The following TTLL12 variants were observed in gnomAD, a reference collection of about 807,000 sequenced individuals.
The protein encoded by TTLL12 is tubulin tyrosine ligase like 12, also known as tubulin--tyrosine ligase-like protein 12.
A neutral mutation model predicts 79.6 loss-of-function variants in TTLL12; 77 were observed. The observed-to-expected ratio is 0.97, with a 90% confidence interval of 0.81 to 1.17. The LOEUF is 1.17. Among genes scored for constraint, TTLL12 ranks in the 50% most tolerant of loss-of-function variants. TTLL12 has a pLI of 0.00. For missense variants in TTLL12, 969 were observed against 895.9 expected, an observed-to-expected ratio of 1.08 and a Z score of -1.04; for synonymous variants, 437 against 376.1, an observed-to-expected ratio of 1.16 and a Z score of -1.87.
At chr22:43,168,237 A>C (rs989943094) in intron 13 of TTLL12, 78 bp from the exon 14 acceptor site, 1 of 1,556,362 alleles carries the variant, frequency 6.4e-7, no homozygotes, top group African/African-American at 1.4e-5. Flanking sequence ...GGGATCCAGC[A>C]AAGGCTGGGA....
chr22:43,173,604 T>C, intron 9 of TTLL12, 111 bp downstream of exon 9: 1 of 1,029,224 alleles, frequency 9.7e-7, no homozygotes, highest in South Asian at 1.6e-5. Flanking sequence ...TAAGCCACCC[T>C]GCCCAGCCTG....
At chr22:43,175,186 C>G (rs1266978393) in intron 6 of TTLL12, 1 of 152,366 alleles carries the variant, frequency 6.6e-6, no homozygotes, top group East Asian at 1.9e-4. Context: ...CAGGTTTGGG[C>G]AGCCAAGGGG....
At chr22:43,176,712 A>G (rs1334387117) in intron 5 of TTLL12, among the ~76,000 whole-genome samples, 1 of 121,684 alleles carries the variant, frequency 8.2e-6, no homozygotes, top group Admixed American at 1.0e-4. Flanking sequence ...CCTGGGAGAG[A>G]GTGTGAGACT....
chr22:43,171,525 G>A (rs1156782904), intron 11 of TTLL12: 5 of 295,924 alleles, frequency 1.7e-5, no homozygotes, highest in African/African-American at 4.3e-5. Context: ...AGTAAGCCCC[G>A]GCTGGGAACA....
rs575442037 is a variant in TTLL12 at position 43,180,686 on chromosome 22, G to A, written c.546+56C>T. On this transcript the variant is annotated intron_variant, in intron 3 of 13. Coordinates refer to ENST00000216129, the MANE Select transcript of TTLL12 (RefSeq NM_015140.4). The stretch of plus-strand genomic sequence containing the variant: ...ACCCGGCCTGATGGCACAGGGCAGC[G>A]GAGGTCTGTGCCCATGCCTGTCCTC... 1.2e-3 allele frequency: 1,947 copies of A among 1,581,048 alleles called. 25 individuals are homozygous for A. In the Middle Eastern group the frequency reaches 0.046, roughly 38 times the overall value.
Position 43,174,233 on chromosome 22 carries a change from C to T in TTLL12, c.1205G>A (p.Ser402Asn). ...CCACCTTTCCCGCTGCTGGAAGTAG[C>T]TGACAAACTGGGGCAGCTCAGTGCG... ...NLRTELPQFV[S>N]YFQQRERWGE... The change falls in exon 8 of 14, where the codon AGC (serine) becomes AAC (asparagine). Residue 402 changes from serine (S) to asparagine (N), a missense_variant. Ser to Asn is a conservative substitution (Grantham distance 46). Coordinates refer to ENST00000216129, the MANE Select transcript of TTLL12 (RefSeq NM_015140.4). 1 of 1,605,730 alleles carries T rather than the reference C, an allele frequency of 6.2e-7. No individual in the cohort carries two copies.
rs1159136281 is a variant in TTLL12, at chr22:43,171,884, C to T, written c.1510G>A (p.Asp504Asn). Reference sequence around the variant, plus strand: ...AAGTGCTTCTCGTAGTCATCCAGGTCGTTGAGTGCAAAGGCCCTGGAAGAC... The same window carrying T: ...AAGTGCTTCTCGTAGTCATCCAGGTTGTTGAGTGCAAAGGCCCTGGAAGAC... ...RFSNRAFALN[D>N]LDDYEKHFTV... Residue 504 changes from aspartate to asparagine, a missense_variant, in exon 11 of 14, where the codon GAC becomes AAC. By Grantham distance (23) the Asp-to-Asn change is conservative. Transcript: ENST00000216129. 5.0e-6 allele frequency: 8 copies of T among 1,614,018 alleles called. No homozygotes were observed. The highest frequency in any genetic ancestry group is 5.1e-6 in the Non-Finnish European group (6 of 1,180,016).
At chr22:43,174,690 A>C in intron 6 of TTLL12, 75 bp from the exon 7 acceptor site, 46 of 1,063,866 alleles carry the variant, frequency 4.3e-5, no homozygotes, top group Non-Finnish European at 5.5e-5. Flanking sequence ...GCCCTGGCTC[A>C]GGGACTCCCT....
chr22:43,182,292 G>A (rs1449869661), intron 2 of TTLL12, among the ~76,000 whole-genome samples: 1 of 152,242 alleles, frequency 6.6e-6, no homozygotes, highest in African/African-American at 2.4e-5. Context: ...GGGGGTGCTG[G>A]GCTGTCCGTA....
chr22:43,182,988 G>A lies in TTLL12; in HGVS notation c.339C>T (p.His113=). The A allele has an allele frequency of 6.2e-7, 1 of 1,613,412 alleles. No individual in the cohort carries two copies. The highest frequency in any genetic ancestry group is 8.5e-7 in the Non-Finnish European group (1 of 1,179,604). ...TCTGGCCAGGCTCCTACCTGTTGGGGTGGGCTGCCTGGAGCCCGCTCTCCC... is the reference window on the plus strand; with the variant it reads ...TCTGGCCAGGCTCCTACCTGTTGGGATGGGCTGCCTGGAGCCCGCTCTCCC... ...VTRESGLQAA[H]PNSIFLIDHA... is the part of the protein sequence containing the mutation. The change falls in exon 2 of 14, where the codon CAC becomes CAT. Residue 113 remains histidine, a synonymous_variant. Coordinates refer to ENST00000216129, the MANE Select transcript of TTLL12 (RefSeq NM_015140.4).
At chr22:43,175,062 C>T (rs779031392) in intron 6 of TTLL12, among the ~76,000 whole-genome samples, 13 of 152,200 alleles carry the variant, frequency 8.5e-5, no homozygotes, top group South Asian at 2.1e-4. Context: ...ACAAGACTCA[C>T]GTCTCAGCAA....
intron 6 of TTLL12, chr22:43,175,712 A>C (rs758710769): frequency 6.6e-6 from 1 of 151,954 alleles, no homozygotes; most frequent in Admixed American, 6.5e-5. Context: ...TCTGTAGCCC[A>C]GGCTGGAGTG....
chr22:43,182,693 G>A (rs1245224555), intron 2 of TTLL12, among the ~76,000 whole-genome samples: 1 of 152,152 alleles, frequency 6.6e-6, no homozygotes, highest in Admixed American at 6.5e-5. Flanking sequence ...GGGTGACCTC[G>A]AGCAAAACTG....
intron 1 of TTLL12, among the ~76,000 whole-genome samples, chr22:43,183,796 A>T (rs1569487803): frequency 1.3e-5 from 2 of 152,254 alleles, no homozygotes; most frequent in African/African-American, 4.8e-5. Flanking sequence ...TCCCTGGCAC[A>T]GCCACACTCA....
rs1043217918 is a variant in TTLL12 at position 43,180,679 on chromosome 22, G to C, written c.546+63C>G. 10 of 1,568,176 alleles carry C rather than the reference G, an allele frequency of 6.4e-6. No homozygotes were observed. The African/African-American group carries it at 1.2e-4, about 19-fold the overall frequency. ...GCCCCTCACCCGGCCTGATGGCACA[G>C]GGCAGCGGAGGTCTGTGCCCATGCC... On this transcript the variant is annotated intron_variant, in intron 3 of 13. Coordinates refer to ENST00000216129, the MANE Select transcript of TTLL12 (RefSeq NM_015140.4).
chr22:43,186,470 C>G (rs988152575), intron 1 of TTLL12, among the ~76,000 whole-genome samples: 1 of 152,234 alleles, frequency 6.6e-6, no homozygotes. Flanking sequence ...ACACCGAATT[C>G]TGTGAACCCA....
Position 43,172,509 on chromosome 22 carries a change from C to A in TTLL12, c.1387G>T (p.Asp463Tyr). ...IESPVLFLRE[D>Y]VGKVKFDIRY... Reference sequence around the variant, plus strand: ...ATGTCGAACTTGACCTTTCCCACGTCTTCTCGAAGGAACAACACGGGACTT... The same window carrying A: ...ATGTCGAACTTGACCTTTCCCACGTATTCTCGAAGGAACAACACGGGACTT... The change falls in exon 10 of 14, where the codon GAC becomes TAC. Residue 463 changes from aspartate (D) to tyrosine (Y), a missense_variant. Asp to Tyr is a radical substitution (Grantham distance 160, BLOSUM62 -3). Transcript: ENST00000216129. The A allele has an allele frequency of 6.2e-7, 1 of 1,614,124 alleles. No homozygotes were observed. The highest frequency in any genetic ancestry group is 8.5e-7 in the Non-Finnish European group (1 of 1,180,030).
Position 43,174,420 on chromosome 22 carries a change from G to T in TTLL12, c.1035-17C>A. On this transcript the variant is annotated splice_polypyrimidine_tract_variant and intron_variant, in intron 7 of 13. Coordinates refer to ENST00000216129, the MANE Select transcript of TTLL12 (RefSeq NM_015140.4). ...CTGAGTTTCCTGCAGGGCGGAGGCA[G>T]GTGCGCCAGCTCAAGGGGAGGCCGG... is the stretch of plus-strand genomic sequence containing the variant. 1 of 1,559,720 alleles carries T rather than the reference G, an allele frequency of 6.4e-7. No homozygotes were observed.
intron 11 of TTLL12, chr22:43,169,848 A>G: frequency 1.9e-6 from 1 of 539,800 alleles, no homozygotes; most frequent in Non-Finnish European, 3.5e-6. Flanking sequence ...TGACTTTGCC[A>G]CGCAGCTGTG....
Sources: gnomAD v4.1 joint callset for allele counts (sites outside exome capture counted in the v4.1 genomes callset) on GRCh38, gnomAD v4.1.1 for gene constraint, MANE v1.5 for transcripts, NCBI Gene and HGNC (gene_info 2026-07-23, HGNC 2026-07-21) for gene names.